The following CPEB3 variants were observed in gnomAD, a reference collection of about 807,000 sequenced individuals.
CPEB3 encodes the protein cytoplasmic polyadenylation element-binding protein 3.
CPEB3 carries 20 observed loss-of-function variants against 67.2 expected under a neutral mutation model. The observed-to-expected ratio is 0.30, with a 90% CI of 0.21 to 0.43. CPEB3 has a LOEUF of 0.43. Ranked by LOEUF, CPEB3 falls within the 20% of genes least tolerant of loss-of-function variation. The probability of loss-of-function intolerance (pLI) is 1.00; values close to 1 mark genes in which losing one functional copy is unlikely to be tolerated. For synonymous variants in CPEB3, 376 were observed against 393.1 expected, an observed-to-expected ratio of 0.96 and a Z score of 0.51; for missense variants, 746 against 968.6, an observed-to-expected ratio of 0.77 and a Z score of 3.05.
At position 92,169,617 on chromosome 10, in the gene CPEB3, T is replaced by C. The variant is rs541029838; in HGVS notation, c.1222+11346A>G. Among the ~76,000 whole-genome samples the C allele has an allele frequency of 1.5e-3, 236 of 152,312 alleles. 1 individual carries two copies. The highest frequency in any genetic ancestry group is 5.5e-3 in the African/African-American group (227 of 41,578). On this transcript the variant is annotated intron_variant, in intron 4 of 9. Coordinates refer to ENST00000265997, the MANE Select transcript of CPEB3 (RefSeq NM_014912.5). Reference sequence around the variant, plus strand: ...GGCACTTAAAGTACCTTCTTGGATGTTGGCATTCCATAGAACACAACTAGA... The same window carrying C: ...GGCACTTAAAGTACCTTCTTGGATGCTGGCATTCCATAGAACACAACTAGA...
At position 92,144,988 on chromosome 10, in the gene CPEB3, A is replaced by C; in HGVS notation, c.1320T>G (p.Ser440=). The C allele has an allele frequency of 6.2e-7, 1 of 1,614,176 alleles. No individual in the cohort carries two copies. Residue 440 remains serine (S), a synonymous_variant, in exon 5 of 10, where the codon TCT becomes TCG. Transcript: ENST00000265997. The part of the protein sequence containing the change: ...CQNGERVERY[S]RKVFVGGLPP... The stretch of plus-strand genomic sequence containing the variant: ...GAAGTCCTCCAACAAACACCTTTCT[A>C]GAGTAGCGTTCTACTCGTTCCCCAT...
intron 1 of CPEB3, among the ~76,000 whole-genome samples, chr10:92,280,049 C>CAG (rs1425837194): frequency 2.6e-5 from 4 of 150,974 alleles, no homozygotes; most frequent in East Asian, 3.9e-4. Context: ...GAGAAAGAGA[C>CAG]AGAGAGAGAG....
chr10:92,144,543 G>C (rs555713334), intron 5 of CPEB3, among the ~76,000 whole-genome samples: 138 of 152,280 alleles, frequency 9.1e-4, no homozygotes, highest in African/African-American at 3.2e-3. Flanking sequence ...TGGGATTACG[G>C]GTGTGAACCA....
intron 9 of CPEB3, among the ~76,000 whole-genome samples, chr10:92,056,074 G>T (rs1170223274): frequency 6.6e-6 from 1 of 152,156 alleles, no homozygotes; most frequent in Non-Finnish European, 1.5e-5. Context: ...TTTGGATTGT[G>T]ACTGTGCTCT....
intron 7 of CPEB3, among the ~76,000 whole-genome samples, chr10:92,101,857 G>A (rs1013345867): frequency 1.3e-5 from 2 of 152,154 alleles, no homozygotes; most frequent in South Asian, 2.1e-4. Context: ...GCAGTGAGCC[G>A]AGATTATGCC....
intron 6 of CPEB3, 102 bp from the exon 7 acceptor site, chr10:92,111,296 T>A: frequency 1.2e-6 from 1 of 828,460 alleles, no homozygotes; most frequent in Non-Finnish European, 2.1e-6. Context: ...AAATTCTTAC[T>A]AAAATCTAAG....
At chr10:92,229,078 C>T (rs1851135390) in intron 2 of CPEB3, among the ~76,000 whole-genome samples, 1 of 151,738 alleles carries the variant, frequency 6.6e-6, no homozygotes, top group South Asian at 2.1e-4. Context: ...GGCTGGAATG[C>T]AGTGGCACAA....
chr10:92,094,303 GA>G (rs1206681830), intron 7 of CPEB3, among the ~76,000 whole-genome samples: 3 of 151,000 alleles, frequency 2.0e-5, no homozygotes, highest in Admixed American at 6.6e-5. Context: ...TTTATTGCAT[GA>G]AAAAAAATGC....
intron 2 of CPEB3, chr10:92,216,528 A>G (rs1590413802): frequency 3.7e-6 from 6 of 1,612,672 alleles, no homozygotes; most frequent in Non-Finnish European, 5.1e-6. Flanking sequence ...GGGGTGAAAG[A>G]GGTTCAGAAA....
chr10:92,257,934 T>G (rs12359038), intron 1 of CPEB3, among the ~76,000 whole-genome samples: 36,150 of 151,842 alleles, frequency 0.24, 4,946 homozygotes, highest in Middle Eastern at 0.34. Flanking sequence ...TTCGCCATGT[T>G]GGCCAGGCTG....
In CPEB3 at chr10:92,113,045, A is replaced by C. The variant is rs1269723721; in HGVS notation, c.1454-1851T>G. Among the ~76,000 whole-genome samples, 8 of 152,316 alleles carry C rather than the reference A, an allele frequency of 5.3e-5. No homozygotes were observed. In the East Asian group the frequency reaches 1.5e-3, roughly 29 times the overall value. ...CTATACAGAGCATCCAGGCAAATAT[A>C]GCAGAAAAAAAGACCAGCCACTCCC... On this transcript the variant is annotated intron_variant, in intron 6 of 9. Coordinates refer to ENST00000265997, the MANE Select transcript of CPEB3 (RefSeq NM_014912.5).
intron 6 of CPEB3, among the ~76,000 whole-genome samples, chr10:92,142,197 T>C (rs1001388992): frequency 2.6e-5 from 4 of 152,144 alleles, no homozygotes; most frequent in Non-Finnish European, 5.9e-5. Flanking sequence ...TAAGCTATAA[T>C]TTGATTCATT....
At chr10:92,251,098 G>T (rs1020521396) in intron 1 of CPEB3, among the ~76,000 whole-genome samples, 2 of 152,004 alleles carry the variant, frequency 1.3e-5, no homozygotes, top group Non-Finnish European at 2.9e-5. Flanking sequence ...TGTTACAACT[G>T]CCTACAACAT....
chr10:92,192,676 C>T (rs369292750), intron 2 of CPEB3, 40 bp from the exon 3 acceptor site: 179 of 1,486,410 alleles, frequency 1.2e-4, no homozygotes, highest in Non-Finnish European at 1.5e-4. Flanking sequence ...CATAAAATTA[C>T]TTCATAAAAT....
At chr10:92,227,873 G>A (rs1232221279) in intron 2 of CPEB3, among the ~76,000 whole-genome samples, 1 of 150,720 alleles carries the variant, frequency 6.6e-6, no homozygotes, top group Non-Finnish European at 1.5e-5. Flanking sequence ...TTACAGGCGT[G>A]AGCCACCGCG....
chr10:92,186,093 G>C (rs1305303571), intron 3 of CPEB3, among the ~76,000 whole-genome samples: 2 of 151,644 alleles, frequency 1.3e-5, no homozygotes, highest in Non-Finnish European at 2.9e-5. Context: ...TTCCCAGCCT[G>C]GTGTGCACTG....
rs372783416 is a variant in CPEB3, at chr10:92,250,165, G to A, written c.-11-9804C>T. 2.5e-4 allele frequency among the ~76,000 whole-genome samples: 38 copies of A among 151,700 alleles called. No individual in the cohort carries two copies. In the East Asian group the frequency reaches 5.7e-3, roughly 23 times the overall value. On this transcript the variant is annotated intron_variant, in intron 1 of 9. Coordinates refer to ENST00000265997, the MANE Select transcript of CPEB3 (RefSeq NM_014912.5). ...TGCAGTGGCGCGATCTGAGCTCACT[G>A]CCAGCTCGGCCTCCTGGGTTCACGC...
At chr10:92,107,078 A>G (rs577194750) in intron 7 of CPEB3, among the ~76,000 whole-genome samples, 39 of 152,232 alleles carry the variant, frequency 2.6e-4, no homozygotes, top group Non-Finnish European at 4.6e-4. Flanking sequence ...CTCATATACA[A>G]ACAGGGGGAG....
At chr10:92,060,882 T>C (rs1156828947) in intron 9 of CPEB3, among the ~76,000 whole-genome samples, 1 of 152,176 alleles carries the variant, frequency 6.6e-6, no homozygotes, top group African/African-American at 2.4e-5. Flanking sequence ...GGTAAGGATG[T>C]AGAGAAAAGG....
Sources: allele counts gnomAD v4.1 joint callset (sites outside exome capture counted in the v4.1 genomes callset), GRCh38; gene constraint gnomAD v4.1.1; transcripts MANE v1.5; gene names NCBI Gene and HGNC (gene_info 2026-07-23, HGNC 2026-07-21).